The following JADE2 variants were observed in gnomAD, a reference collection of about 807,000 sequenced individuals.
The protein encoded by JADE2 is E3 ubiquitin-protein ligase Jade-2.
JADE2 carries 13 observed loss-of-function variants against 85.7 expected under a neutral mutation model. The observed-to-expected ratio is 0.15, with a 90% confidence interval of 0.10 to 0.24. JADE2 has a LOEUF of 0.24. JADE2 is among the 10% of genes least tolerant of loss of function. The probability of loss-of-function intolerance (pLI) is 1.00; values close to 1 mark genes in which losing one functional copy is unlikely to be tolerated. For missense variants in JADE2, 846 were observed against 1,115.9 expected (o/e 0.76, Z 3.45); for synonymous variants, 440 against 456.1 (o/e 0.96, Z 0.45).
intron 3 of JADE2, among the ~76,000 whole-genome samples, chr5:134,543,540 G>A (rs1401435218): frequency 1.3e-5 from 2 of 152,014 alleles, no homozygotes; most frequent in Non-Finnish European, 2.9e-5. Context: ...AGCTGGTCAT[G>A]GTGATGCACA....
intron 8 of JADE2, among the ~76,000 whole-genome samples, chr5:134,565,697 G>C (rs534173102): frequency 2.0e-5 from 3 of 152,186 alleles, no homozygotes; most frequent in Non-Finnish European, 4.4e-5. Flanking sequence ...CAAAAACTAG[G>C]TGGTGCATGC....
intron 9 of JADE2, among the ~76,000 whole-genome samples, chr5:134,568,820 C>T (rs1432267648): frequency 2.6e-5 from 4 of 152,210 alleles, no homozygotes; most frequent in Non-Finnish European, 5.9e-5. Flanking sequence ...AGAACCCTGC[C>T]ACGGGGCAGG....
chr5:134,555,597 G>C (rs1762864463), intron 4 of JADE2, among the ~76,000 whole-genome samples: 1 of 152,224 alleles, frequency 6.6e-6, no homozygotes, highest in Admixed American at 6.5e-5. Flanking sequence ...TTGATCCCAA[G>C]AGGCTTGGCC....
At chr5:134,526,178 G>T in intron 1 of JADE2, 167 bp downstream of exon 1, 1 of 985,604 alleles carries the variant, frequency 1.0e-6, no homozygotes, top group Non-Finnish European at 1.2e-6. Context: ...GGAGAGGGGG[G>T]GGATGCACAG....
intron 1 of JADE2, 48 bp downstream of exon 1, chr5:134,526,059 T>C: frequency 1.0e-6 from 1 of 985,108 alleles, no homozygotes; most frequent in Non-Finnish European, 1.2e-6. Flanking sequence ...TCCACGACGT[T>C]ATTTGGCGTT....
chr5:134,545,064 G>A lies in JADE2; in HGVS notation c.153+6981G>A, dbSNP rs1159631182. On this transcript the variant is annotated intron_variant, in intron 3 of 11. Coordinates refer to ENST00000681547, the MANE Select transcript of JADE2 (RefSeq NM_001388185.1). ...GTAAAATGCAAAATGCCCATAATTTGATAGATAAAACAGGAGAATCCAAAA... is the reference window on the plus strand; with the variant it reads ...GTAAAATGCAAAATGCCCATAATTTAATAGATAAAACAGGAGAATCCAAAA... 2.6e-5 allele frequency among the ~76,000 whole-genome samples: 4 copies of A among 152,350 alleles called. No individual in the cohort carries two copies. The East Asian group carries it at 5.8e-4, about 22-fold the overall frequency.
Position 134,538,066 on chromosome 5 carries a change from G to A in JADE2, c.136G>A (p.Glu46Lys), listed in dbSNP as rs759883080. Reference sequence around the variant, plus strand: ...CAAGTCGGGCTGGCCCCGACAGAACGAAAAGAAGCCCTCCGAGGTGGGTAG... The same window carrying A: ...CAAGTCGGGCTGGCCCCGACAGAACAAAAAGAAGCCCTCCGAGGTGGGTAG... The part of the protein sequence containing the change: ...STKSGWPRQN[E>K]KKPSEVFRTD... The change falls in exon 3 of 12, where the codon GAA (glutamate) becomes AAA (lysine). Residue 46 changes from glutamate to lysine, a missense_variant. This residue lies in a region of JADE2 where 44 missense variants were observed against 92.0 expected (regional missense o/e 0.48). Transcript: ENST00000681547. 2.4e-5 allele frequency: 38 copies of A among 1,613,860 alleles called. 1 individual carries two copies. The South Asian group carries it at 2.4e-4, about 10-fold the overall frequency.
At position 134,563,438 on chromosome 5, in the gene JADE2, G is replaced by A. The variant is rs182350420; in HGVS notation, c.853-1056G>A. On this transcript the variant is annotated intron_variant, in intron 7 of 11. Coordinates refer to ENST00000681547, the MANE Select transcript of JADE2 (RefSeq NM_001388185.1). ...TTCTGAGTCCATGTGGGAGTGCCAC[G>A]GGCAACAGGCTGGGTCCAGAGTCAG... is the stretch of plus-strand genomic sequence containing the variant. Among the ~76,000 whole-genome samples the A allele has an allele frequency of 1.4e-3, 219 of 152,286 alleles. 1 individual carries two copies. The highest frequency in any genetic ancestry group is 2.6e-3 in the Non-Finnish European group (179 of 68,018).
intron 8 of JADE2, among the ~76,000 whole-genome samples, chr5:134,564,823 G>T (rs13179411): frequency 0.13 from 19,275 of 152,202 alleles, 1,563 homozygotes; most frequent in Middle Eastern, 0.17. Context: ...CAGACCCGGG[G>T]AACCAAGGCT....
Position 134,562,644 on chromosome 5 carries a change from G to T in JADE2, c.852+277G>T, listed in dbSNP as rs1026897672. Among the ~76,000 whole-genome samples the T allele has an allele frequency of 2.2e-4, 33 of 152,212 alleles. No individual in the cohort carries two copies. The highest frequency in any genetic ancestry group is 7.9e-4 in the African/African-American group (33 of 41,536). On this transcript the variant is annotated intron_variant, in intron 7 of 11. Coordinates refer to ENST00000681547, the MANE Select transcript of JADE2 (RefSeq NM_001388185.1). This position sits in a 1 kb window ranked among gnomAD's most constrained non-coding sequence, Gnocchi z 4.6. ...GAGTGCATGGTGGCAGGCACCTGTA[G>T]TCCCAGCTACTCAGGAGGCAGAGGC...
At chr5:134,541,445 C>T (rs992190507) in intron 3 of JADE2, among the ~76,000 whole-genome samples, 3 of 152,204 alleles carry the variant, frequency 2.0e-5, no homozygotes, top group East Asian at 1.9e-4. Flanking sequence ...ATGGCTTGGG[C>T]GGGGCCTTTA....
intron 2 of JADE2, among the ~76,000 whole-genome samples, chr5:134,536,194 T>C (rs1761575791): frequency 6.6e-6 from 1 of 152,136 alleles, no homozygotes; most frequent in Non-Finnish European, 1.5e-5. Context: ...ACAGATCGGC[T>C]CCACTCTGGG....
chr5:134,549,221 G>A (rs888889165), intron 3 of JADE2, among the ~76,000 whole-genome samples: 5 of 152,216 alleles, frequency 3.3e-5, no homozygotes, highest in Non-Finnish European at 7.3e-5. Flanking sequence ...CTGAGGAGGC[G>A]ACAGTTAAGT....
chr5:134,553,347 T>C (rs1394835566), intron 4 of JADE2, among the ~76,000 whole-genome samples: 1 of 129,926 alleles, frequency 7.7e-6, no homozygotes, highest in Non-Finnish European at 1.6e-5. Context: ...GCTTTTTTTT[T>C]TCTTTTATTC....
In JADE2 at chr5:134,566,481, C is replaced by T; in HGVS notation, c.1335C>T (p.Thr445=). 6.2e-7 allele frequency: 1 copy of T among 1,613,008 alleles called. No homozygotes were observed. The highest frequency in any genetic ancestry group is 8.5e-7 in the Non-Finnish European group (1 of 1,179,556). The part of the protein sequence containing the change: ...RKANANQPLL[T]PKTDEVDNLA... ...CCAATGCCAACCAGCCGCTGCTGAC[C>T]CCCAAGACCGACGAGGTGGACAACC... The change falls in exon 9 of 12, where the codon ACC becomes ACT. Residue 445 remains threonine (T), a synonymous_variant. Transcript: ENST00000681547. This position sits in a 1 kb window ranked among gnomAD's most constrained non-coding sequence, Gnocchi z 6.7.
intron 3 of JADE2, among the ~76,000 whole-genome samples, chr5:134,543,386 C>T (rs1762096946): frequency 6.6e-6 from 1 of 151,432 alleles, no homozygotes; most frequent in South Asian, 2.1e-4. Context: ...AGAACAACTG[C>T]CATAGGCCCG....
chr5:134,541,838 C>G (rs1272300912), intron 3 of JADE2, among the ~76,000 whole-genome samples: 1 of 152,224 alleles, frequency 6.6e-6, no homozygotes, highest in Non-Finnish European at 1.5e-5. Context: ...GGGCGCAAGC[C>G]AAGGGGCACT....
chr5:134,538,142 A>G, intron 3 of JADE2, 59 bp downstream of exon 3: 1 of 1,341,060 alleles, frequency 7.5e-7, no homozygotes, highest in Admixed American at 1.7e-5. Context: ...TGCCCTGCGG[A>G]GACTGGGGCA....
intron 5 of JADE2, 97 bp downstream of exon 5, chr5:134,560,087 T>G: frequency 2.2e-6 from 3 of 1,395,238 alleles, no homozygotes; most frequent in Non-Finnish European, 3.0e-6. Flanking sequence ...GGCTATGGTA[T>G]GGCATGGATC....
Sources: allele counts gnomAD v4.1 joint callset (sites outside exome capture counted in the v4.1 genomes callset), GRCh38; gene constraint gnomAD v4.1.1; regional missense constraint gnomAD v4.1.1; non-coding constraint Gnocchi (gnomAD v3.1); transcripts MANE v1.5; gene names NCBI Gene and HGNC (gene_info 2026-07-23, HGNC 2026-07-21).